Variants in UBXN8 observed in about 807,000 individuals in gnomAD.
The protein encoded by UBXN8 is UBX domain protein 8.
In UBXN8, 27 loss-of-function variants were observed where a neutral mutation model predicts 32.1. That is an observed-to-expected ratio of 0.84 (90% CI 0.62 to 1.16). The LOEUF (loss-of-function observed/expected upper bound fraction) is 1.16. UBXN8 is among the 50% of genes most tolerant of loss of function. The probability of loss-of-function intolerance (pLI) is 0.00; values close to 1 mark genes in which losing one functional copy is unlikely to be tolerated. For missense variants in UBXN8, 306 were observed against 311.4 expected, an observed-to-expected ratio of 0.98 and a Z score of 0.13; for synonymous variants, 109 against 111.8, an observed-to-expected ratio of 0.98 and a Z score of 0.16.
In UBXN8 at chr8:30,766,361, A is replaced by G. The variant is rs570651714; in HGVS notation, c.780A>G (p.Val260=). ...ACATAGGAATAACTGTGGACACTGT[A>G]CTCATCCTGGAGGAGAAGGAGCAGA... ...LEDIGITVDT[V]LILEEKEQTN Residue 260 remains valine, a synonymous_variant, in exon 8 of 8, where the codon GTA becomes GTG. Coordinates refer to ENST00000265616, the MANE Select transcript of UBXN8 (RefSeq NM_005671.4). The G allele has an allele frequency of 2.5e-6, 4 of 1,611,966 alleles. No homozygotes were observed. The African/African-American group carries it at 5.3e-5, about 21-fold the overall frequency.
intron 1 of UBXN8, among the ~76,000 whole-genome samples, chr8:30,737,318 T>C (rs911961277): frequency 1.3e-5 from 2 of 152,174 alleles, no homozygotes; most frequent in Non-Finnish European, 2.9e-5. Flanking sequence ...GTTCTTTTCT[T>C]TCTATTCAGG....
chr8:30,741,335 G>A (rs1805193403), upstream of UBXN8, among the ~76,000 whole-genome samples: 1 of 151,972 alleles, frequency 6.6e-6, no homozygotes, highest in Non-Finnish European at 1.5e-5. Context: ...ACAGTGGGCT[G>A]TGATTGTGCC....
Position 30,766,475 on chromosome 8 carries a change from C to T in UBXN8, c.*81C>T. 4.3e-6 allele frequency: 6 copies of T among 1,389,800 alleles called. No individual in the cohort carries two copies. The highest frequency in any genetic ancestry group is 3.9e-4 in the Middle Eastern group (2 of 5,186). 86.1% of individuals were successfully genotyped at this position (1,389,800 alleles called of 1,614,324 possible). A position where few individuals can be genotyped will look rare whatever the true frequency, so the allele number is the denominator to read the frequency against. The stretch of plus-strand genomic sequence containing the variant: ...CACAATAAAGGCTTCACTTTCAAAT[C>T]ACACTATACCTTGATTGAGCTCATG... On this transcript the variant is annotated 3_prime_UTR_variant, in exon 8 of 8. Transcript: ENST00000265616.
chr8:30,760,443 A>ATATATATATATTTT (rs1196366158), intron 5 of UBXN8, among the ~76,000 whole-genome samples: 1 of 91,118 alleles, frequency 1.1e-5, no homozygotes, highest in South Asian at 4.1e-4. Flanking sequence ...ATATATATAT[A>ATATATATATATTTT]TTTTTTTTTT....
At chr8:30,756,526 CCCT>C (rs1160148756) in intron 4 of UBXN8, among the ~76,000 whole-genome samples, 3 of 152,102 alleles carry the variant, frequency 2.0e-5, no homozygotes, top group Admixed American at 6.6e-5. Context: ...AGGTGATCTG[CCCT>C]CCTCAGTCTC....
At chr8:30,741,447 CAA>C (rs1439158383), upstream of UBXN8, among the ~76,000 whole-genome samples, 99 of 140,868 alleles carry the variant, frequency 7.0e-4, no homozygotes, top group Non-Finnish European at 1.4e-3. Flanking sequence ...TATGTCAAAG[CAA>C]TGTTCTTTTT....
chr8:30,759,197 A>G (rs1728020506), intron 5 of UBXN8, among the ~76,000 whole-genome samples: 2 of 151,356 alleles, frequency 1.3e-5, no homozygotes, highest in South Asian at 4.2e-4. Flanking sequence ...CCGGCCACAA[A>G]TGTCTTAATG....
intron 6 of UBXN8, among the ~76,000 whole-genome samples, chr8:30,762,060 C>CT (rs773564122): frequency 0.027 from 1,741 of 63,756 alleles, 14 homozygotes; most frequent in Non-Finnish European, 0.042. Context: ...TCCTTGGAAA[C>CT]CTTTTTTTTT....
chr8:30,734,740 T>C (rs764876544), intron 1 of UBXN8, among the ~76,000 whole-genome samples: 3 of 152,112 alleles, frequency 2.0e-5, no homozygotes, highest in Non-Finnish European at 4.4e-5. Flanking sequence ...TTCTAGGAGT[T>C]CGAGACCAGC....
chr8:30,743,158 C>CT (rs71206286), upstream of UBXN8, among the ~76,000 whole-genome samples: 27 of 136,826 alleles, frequency 2.0e-4, no homozygotes, highest in African/African-American at 6.7e-4. Context: ...TTCTTTCTTT[C>CT]TTTTTTTTTT....
At chr8:30,741,572 C>T (rs1054720358), upstream of UBXN8, among the ~76,000 whole-genome samples, 1 of 149,412 alleles carries the variant, frequency 6.7e-6, no homozygotes, top group African/African-American at 2.5e-5. Context: ...GTACCTCAGC[C>T]TCCCGAGGAG....
intron 4 of UBXN8, among the ~76,000 whole-genome samples, chr8:30,755,422 G>A (rs1805630676): frequency 6.6e-6 from 1 of 152,010 alleles, no homozygotes; most frequent in Non-Finnish European, 1.5e-5. Context: ...GCACCTGGCT[G>A]GTTAAGTGGT....
chr8:30,746,156 T>C (rs1275637553), intron 1 of UBXN8, among the ~76,000 whole-genome samples: 1 of 152,214 alleles, frequency 6.6e-6, no homozygotes, highest in East Asian at 1.9e-4. Flanking sequence ...TTCTATAAAT[T>C]GCACCTGGGC....
chr8:30,741,030 C>T (rs754912029), upstream of UBXN8, among the ~76,000 whole-genome samples: 3 of 152,054 alleles, frequency 2.0e-5, no homozygotes, highest in Admixed American at 1.3e-4. Context: ...TTGGGTGTAC[C>T]GTCTCAAACT....
At chr8:30,759,613 C>T (rs1805770157) in intron 5 of UBXN8, among the ~76,000 whole-genome samples, 1 of 151,806 alleles carries the variant, frequency 6.6e-6, no homozygotes, top group African/African-American at 2.4e-5. Context: ...TGAATGGTTT[C>T]TGGCAGTCAC....
chr8:30,764,557 G>T lies in UBXN8; in HGVS notation c.645+1210G>T, dbSNP rs963006462. ...ACATCTCAGTAGACTGGCAGGGAAA[G>T]AAACACATGAATATCATGATTTCCC... On this transcript the variant is annotated intron_variant, in intron 7 of 7. Transcript: ENST00000265616. Among the ~76,000 whole-genome samples the T allele has an allele frequency of 2.0e-5, 3 of 152,086 alleles. No individual in the cohort carries two copies. In the South Asian group the frequency reaches 6.2e-4, roughly 31 times the overall value.
At chr8:30,737,978 G>A (rs1396196010) in intron 1 of UBXN8, among the ~76,000 whole-genome samples, 1 of 152,078 alleles carries the variant, frequency 6.6e-6, no homozygotes, top group Non-Finnish European at 1.5e-5. Context: ...AAATATAGAG[G>A]CCGGGCACGG....
At chr8:30,734,408 A>G (rs1382520603) in intron 1 of UBXN8, 1 of 152,120 alleles carries the variant, frequency 6.6e-6, no homozygotes, top group Non-Finnish European at 1.5e-5. Context: ...CCTTAAGCCC[A>G]CGAGTTCGAG....
Position 30,736,753 on chromosome 8 carries a change from G to A in UBXN8, c.622+3445G>A, listed in dbSNP as rs901495887. On this transcript the variant is annotated intron_variant, in intron 1 of 1. Transcript: ENST00000522968. ...CTCTCAAAGTGTTGGGATTACAAGC[G>A]TGAGCCACTGCACCCAGCCCTTGTT... Among the ~76,000 whole-genome samples, 8 of 152,286 alleles carry A rather than the reference G, an allele frequency of 5.3e-5. No homozygotes were observed. The South Asian group carries it at 1.4e-3, about 28-fold the overall frequency.
Sources: allele counts gnomAD v4.1 joint callset (sites outside exome capture counted in the v4.1 genomes callset), GRCh38; gene constraint gnomAD v4.1.1; transcripts MANE v1.5; gene names NCBI Gene and HGNC (gene_info 2026-07-23, HGNC 2026-07-21).